Variants in SV2A observed in about 807,000 individuals in gnomAD.
The protein encoded by SV2A is solute carrier family 22 member B1.
Under a neutral mutation model 78.0 loss-of-function variants are expected in SV2A, and 25 were observed. The observed-to-expected ratio is 0.32, with a 90% confidence interval of 0.23 to 0.45. The LOEUF (loss-of-function observed/expected upper bound fraction) is 0.45, where lower values mean the gene tolerates loss of function less well. SV2A is among the 20% of genes least tolerant of loss of function. SV2A has a pLI of 1.00. For missense variants in SV2A, 752 were observed against 971.5 expected (o/e 0.77, Z 3.00); for synonymous variants, 355 against 384.7 (o/e 0.92, Z 0.90).
In SV2A at chr1:149,909,474, C is replaced by T. The variant is rs1553763346; in HGVS notation, c.1277G>A (p.Ser426Asn). Residue 426 changes from serine (S) to asparagine (N), a missense_variant, in exon 7 of 13, where the codon AGC (serine) becomes AAC (asparagine). By Grantham distance (46) the Ser-to-Asn change is conservative (BLOSUM62 1). This residue lies in a region of SV2A where 136 missense variants were observed against 132.3 expected (regional missense o/e 1.03). Coordinates refer to ENST00000369146, the MANE Select transcript of SV2A (RefSeq NM_014849.5). The stretch of plus-strand genomic sequence containing the variant: ...GTCCACCATTACCTGCCCCCCTAGG[C>T]TCAAGGCCCGGACCCCCCAGCGCTG... ...WYQRWGVRAL[S>N]LGGQVWGNFL... 1 of 1,613,846 alleles carries T rather than the reference C, an allele frequency of 6.2e-7. No individual in the cohort carries two copies. Among genetic ancestry groups the T allele is most frequent in the Non-Finnish European group, 8.5e-7 (1 of 1,179,884 alleles).
chr1:149,909,601 C>T (rs782814384), intron 6 of SV2A, 30 bp from the exon 7 acceptor site: 1 of 1,596,410 alleles, frequency 6.3e-7, no homozygotes, highest in Non-Finnish European at 8.6e-7. Context: ...TGGGCAGTCA[C>T]ACACTCTGTG....
chr1:149,908,109 C>T lies in SV2A; in HGVS notation c.1477G>A (p.Glu493Lys), dbSNP rs781817017. The change falls in exon 9 of 13, where the codon GAG becomes AAG. Residue 493 changes from glutamate to lysine, a missense_variant. Glu to Lys is a moderately conservative substitution (Grantham distance 56, BLOSUM62 1). Transcript: ENST00000369146. ...RTKVFPGERV[E>K]HVTFNFTLEN... ...AACGTGAAGTTAAAAGTTACATGCT[C>T]TACGCGCTCCCCGGGGAACACTTTG... 4.3e-6 allele frequency: 7 copies of T among 1,614,198 alleles called. No individual in the cohort carries two copies. The highest frequency in any genetic ancestry group is 2.2e-5 in the South Asian group (2 of 91,084).
At chr1:149,906,119 GC>G in intron 11 of SV2A, 80 bp from the exon 12 acceptor site, 1 of 1,538,522 alleles carries the variant, frequency 6.5e-7, no homozygotes, top group Admixed American at 1.9e-5. Flanking sequence ...CCATCAGCTG[GC>G]TTTCAGATAG....
In SV2A at chr1:149,911,976, G is replaced by C; in HGVS notation, c.627C>G (p.Leu209=). Residue 209 remains leucine (L), a synonymous_variant, in exon 3 of 13, where the codon CTC becomes CTG. Transcript: ENST00000369146. ...LSDSNKGMLG[L]IVYLGMMVGA... Reference sequence around the variant, plus strand: ...CCACCATCATGCCCAGGTAGACGATGAGGCCTGGAAGGAGGAGGAAAACAG... The same window carrying C: ...CCACCATCATGCCCAGGTAGACGATCAGGCCTGGAAGGAGGAGGAAAACAG... The C allele has an allele frequency of 2.5e-6, 4 of 1,613,890 alleles. No homozygotes were observed. Among genetic ancestry groups the C allele is most frequent in the Non-Finnish European group, 3.4e-6 (4 of 1,179,892 alleles).
chr1:149,915,179 G>A (rs1553764387), intron 1 of SV2A, among the ~76,000 whole-genome samples: 1 of 152,162 alleles, frequency 6.6e-6, no homozygotes, highest in Non-Finnish European at 1.5e-5. Flanking sequence ...CTGTTTCTTG[G>A]AGTTGATGTG....
In SV2A at chr1:149,909,906, C is replaced by A. The variant is rs587718420; in HGVS notation, c.1090-16G>T. ...GCTTTCCATTCTAGAGCCAAAGACA[C>A]AATCCCCACATCCAAGTCAGCCCCT... On this transcript the variant is annotated splice_polypyrimidine_tract_variant and intron_variant, in intron 5 of 12. Transcript: ENST00000369146. The A allele has an allele frequency of 3.6e-5, 58 of 1,613,300 alleles. 1 individual carries two copies. The South Asian group carries it at 5.7e-4, about 16-fold the overall frequency.
chr1:149,904,096 A>C lies in SV2A; in HGVS notation c.*918T>G, dbSNP rs2092417125. 6.6e-6 allele frequency: 1 copy of C among 152,450 alleles called. No individual in the cohort carries two copies. The highest frequency in any genetic ancestry group is 1.5e-5 in the Non-Finnish European group (1 of 68,036). The allele number at this position is 152,450 out of a possible 1,614,324, so 9.4% of individuals were successfully genotyped here. A position where few individuals can be genotyped will look rare whatever the true frequency, so the allele number is the denominator to read the frequency against. ...TGTGCTGTAGTGGGTGGAGCCTCTC[A>C]CTCCAGAGGAGGCCTCTGCTTCTTG... On this transcript the variant is annotated 3_prime_UTR_variant, in exon 13 of 13. Transcript: ENST00000369146.
chr1:149,910,841 T>A lies in SV2A; in HGVS notation c.940A>T (p.Ile314Phe). The change falls in exon 4 of 13, where the codon ATC (isoleucine) becomes TTC (phenylalanine). Residue 314 changes from isoleucine to phenylalanine, a missense_variant. Physicochemically the swap from Ile to Phe is conservative, Grantham distance 21. This residue lies in a region of SV2A where 43 missense variants were observed against 70.8 expected (regional missense o/e 0.61). Transcript: ENST00000369146. The surrounding 1 kb of genome is among the most constrained non-coding windows in gnomAD (Gnocchi z 4.2). ...GGCTGCTCACCATAGTGGGGGATGA[T>A]GGCCCAGGCCATAGCAGCTGCGTAC... The part of the protein sequence containing the change: ...GVYAAAMAWA[I>F]IPHYGWSFQM... The A allele has an allele frequency of 6.2e-7, 1 of 1,613,964 alleles. No individual in the cohort carries two copies. Among genetic ancestry groups the A allele is most frequent in the Non-Finnish European group, 8.5e-7 (1 of 1,179,918 alleles).
At chr1:149,906,897 T>A (rs1553762864) in intron 10 of SV2A, 41 bp from the exon 11 acceptor site, 1 of 1,610,624 alleles carries the variant, frequency 6.2e-7, no homozygotes. Context: ...TCATAGCAGA[T>A]GGGAGAGGGA....
At position 149,913,650 on chromosome 1, in the gene SV2A, C is replaced by A. The variant is rs1249237389; in HGVS notation, c.191G>T (p.Gly64Val). 6.2e-7 allele frequency: 1 copy of A among 1,614,154 alleles called. No individual in the cohort carries two copies. Among genetic ancestry groups the A allele is most frequent in the Non-Finnish European group, 8.5e-7 (1 of 1,180,024 alleles). ...CTGGGTCCCTTCTCCTCGGTAATAA[C>A]CATCACTGGGAGCAGGGAAGTCATC... ...DDDDFPAPSD[G>V]YYRGEGTQDE... Residue 64 changes from glycine (G) to valine (V), a missense_variant, in exon 2 of 13, where the codon GGT becomes GTT. Coordinates refer to ENST00000369146, the MANE Select transcript of SV2A (RefSeq NM_014849.5).
At position 149,910,702 on chromosome 1, in the gene SV2A, C is replaced by A; in HGVS notation, c.957G>T (p.Gly319=). 6.2e-7 allele frequency: 1 copy of A among 1,613,872 alleles called. No individual in the cohort carries two copies. The highest frequency in any genetic ancestry group is 2.2e-5 in the East Asian group (1 of 44,878). Residue 319 remains glycine (G), a splice_region_variant and synonymous_variant, in exon 5 of 13, where the codon GGG becomes GGT. Coordinates refer to ENST00000369146, the MANE Select transcript of SV2A (RefSeq NM_014849.5). The surrounding 1 kb of genome is among the most constrained non-coding windows in gnomAD (Gnocchi z 4.2). ...AGGCAGAACCCATCTGAAAACTCCA[C>A]CCTGGTAGGGAGAAAGTGACAGCAT... ...AMAWAIIPHY[G]WSFQMGSAYQ... is the part of the protein sequence containing the mutation.
intron 10 of SV2A, 134 bp downstream of exon 10, chr1:149,907,566 G>A: frequency 9.5e-7 from 1 of 1,050,322 alleles, no homozygotes. Context: ...TAGCTATCAG[G>A]CCCCTCTGCC....
intron 3 of SV2A, 50 bp downstream of exon 3, chr1:149,911,750 T>A (rs1232179891): frequency 1.3e-6 from 2 of 1,571,450 alleles, no homozygotes; most frequent in Admixed American, 1.7e-5. Flanking sequence ...GATACAACAG[T>A]GACCAAGGCA....
chr1:149,909,034 G>T (rs2092457739), intron 8 of SV2A, among the ~76,000 whole-genome samples, 158 bp downstream of exon 8: 5 of 152,106 alleles, frequency 3.3e-5, no homozygotes. Context: ...TTTGTTGAGT[G>T]AACTAGCGAA....
In SV2A at chr1:149,913,613, TTCC is replaced by T; in HGVS notation, c.225_227del (p.Glu76del). ...CAGTAGCATCACTGGATGCACCACC[TTCC>T]TCCTCATCCTGGGTCCCTTCTCCTC... On this transcript the variant is annotated inframe_deletion, in exon 2 of 13. Coordinates refer to ENST00000369146, the MANE Select transcript of SV2A (RefSeq NM_014849.5). 1 of 1,614,082 alleles carries T rather than the reference TTCC, an allele frequency of 6.2e-7. No homozygotes were observed. The highest frequency in any genetic ancestry group is 8.5e-7 in the Non-Finnish European group (1 of 1,180,000).
chr1:149,909,566 G>T lies in SV2A; in HGVS notation c.1185C>A (p.Thr395=). The change falls in exon 7 of 13, where the codon ACC becomes ACA. Residue 395 remains threonine (T), a synonymous_variant. Coordinates refer to ENST00000369146, the MANE Select transcript of SV2A (RefSeq NM_014849.5). ...KGHPERVFSV[T]HIKTIHQEDE... Reference sequence around the variant, plus strand: ...CCTCCTGATGAATCGTCTTAATGTGGGTTACCTGGGGTCAAGAGAAGGGGT... The same window carrying T: ...CCTCCTGATGAATCGTCTTAATGTGTGTTACCTGGGGTCAAGAGAAGGGGT... 6.2e-7 allele frequency: 1 copy of T among 1,613,866 alleles called. No homozygotes were observed. The highest frequency in any genetic ancestry group is 8.5e-7 in the Non-Finnish European group (1 of 1,179,812).
rs146336188 is a variant in SV2A, at chr1:149,910,560, G to T, written c.1089+10C>A. Reference sequence around the variant, plus strand: ...ACCCCACCCCACCCCATGCAGCTCAGCCCCATCACCTCTAGGAAGAAACGG... The same window carrying T: ...ACCCCACCCCACCCCATGCAGCTCATCCCCATCACCTCTAGGAAGAAACGG... On this transcript the variant is annotated intron_variant, in intron 5 of 12. Transcript: ENST00000369146. The surrounding 1 kb of genome is among the most constrained non-coding windows in gnomAD (Gnocchi z 4.2). The T allele has an allele frequency of 6.3e-7, 1 of 1,599,852 alleles. No individual in the cohort carries two copies. The highest frequency in any genetic ancestry group is 2.3e-5 in the East Asian group (1 of 44,312).
intron 10 of SV2A, 158 bp from the exon 11 acceptor site, chr1:149,907,014 T>C (rs1231300364): frequency 1.3e-5 from 19 of 1,461,720 alleles, no homozygotes; most frequent in Non-Finnish European, 1.7e-5. Context: ...AACATCACCA[T>C]GGGAACTAGG....
intron 10 of SV2A, among the ~76,000 whole-genome samples, chr1:149,907,400 G>A (rs1387251355): frequency 1.3e-5 from 2 of 152,088 alleles, no homozygotes; most frequent in African/African-American, 2.4e-5. Context: ...TCCCAAGAAT[G>A]CTATTTTGGA....
Sources: allele counts gnomAD v4.1 joint callset (sites outside exome capture counted in the v4.1 genomes callset), GRCh38; gene constraint gnomAD v4.1.1; regional missense constraint gnomAD v4.1.1; non-coding constraint Gnocchi (gnomAD v3.1); transcripts MANE v1.5; gene names NCBI Gene and HGNC (gene_info 2026-07-23, HGNC 2026-07-21).